The following IMPACT variants were observed in gnomAD, a reference collection of about 807,000 sequenced individuals.
IMPACT encodes the protein impact RWD domain protein.
A neutral mutation model predicts 47.5 loss-of-function variants in IMPACT; 35 were observed. The ratio of observed to expected loss-of-function variants is 0.74; its 90% CI spans 0.56 to 0.98. The LOEUF (loss-of-function observed/expected upper bound fraction) is 0.98. Ranked by LOEUF, IMPACT falls within the 50% of genes least tolerant of loss-of-function variation. IMPACT has a pLI of 0.00. For missense variants in IMPACT, 373 were observed against 394.8 expected, an observed-to-expected ratio of 0.94 and a Z score of 0.47; for synonymous variants, 118 against 125.6, an observed-to-expected ratio of 0.94 and a Z score of 0.40.
chr18:24,428,879 C>T lies in IMPACT; in HGVS notation c.176C>T (p.Pro59Leu), dbSNP rs757367755. 5.6e-5 allele frequency: 91 copies of T among 1,611,132 alleles called. No homozygotes were observed. The highest frequency in any genetic ancestry group is 1.5e-4 in the Admixed American group (9 of 59,580). Reference sequence around the variant, plus strand: ...GAACCTGCATTGTAGGTGATGCTGCCGAATGAATACCCAGGTACAGCTCCA... The same window carrying T: ...GAACCTGCATTGTAGGTGATGCTGCTGAATGAATACCCAGGTACAGCTCCA... The part of the protein sequence containing the change: ...KWTLCLQVML[P>L]NEYPGTAPPI... Residue 59 changes from proline to leucine, a missense_variant, in exon 3 of 11, where the codon CCG becomes CTG. Transcript: ENST00000284202.
intron 4 of IMPACT, among the ~76,000 whole-genome samples, chr18:24,433,223 C>A (rs1190772086): frequency 9.2e-6 from 1 of 108,494 alleles, no homozygotes; most frequent in Middle Eastern, 0.012. Flanking sequence ...GACGGAGTCT[C>A]GCTCTGTCGC....
chr18:24,449,824 G>A lies in IMPACT; in HGVS notation c.765G>A (p.Leu255=), dbSNP rs763541625. ...GGRLLHLMEI[L]NVKNVMVVVS... is the part of the protein sequence containing the mutation. ...ATGCTTCCAAAAAATAACAGATTTT[G>A]AATGTGAAGAATGTCATGGTGGTAG... is the stretch of plus-strand genomic sequence containing the variant. The change falls in exon 10 of 11, where the codon TTG becomes TTA. Residue 255 remains leucine, a synonymous_variant. Coordinates refer to ENST00000284202, the MANE Select transcript of IMPACT (RefSeq NM_018439.4). 7 of 1,611,688 alleles carry A rather than the reference G, an allele frequency of 4.3e-6. No individual in the cohort carries two copies. In the African/African-American group the frequency reaches 9.4e-5, roughly 22 times the overall value.
intron 3 of IMPACT, 121 bp from the exon 4 acceptor site, chr18:24,430,201 A>G (rs571102): frequency 0.14 from 81,425 of 584,454 alleles, 6,461 homozygotes; most frequent in Non-Finnish European, 0.16. Context: ...TTATACAAAT[A>G]TAAGACCATT....
intron 7 of IMPACT, among the ~76,000 whole-genome samples, chr18:24,444,479 A>G (rs1909198159): frequency 6.6e-6 from 1 of 152,300 alleles, no homozygotes; most frequent in African/African-American, 2.4e-5. Flanking sequence ...AAATCTGACC[A>G]TGTGTCATTC....
rs1157144458 is a variant in IMPACT at position 24,450,795 on chromosome 18, CT to C, written c.914del (p.Leu305TrpfsTer7). 1 of 1,609,868 alleles carries C rather than the reference CT, an allele frequency of 6.2e-7. No individual in the cohort carries two copies. Among genetic ancestry groups the C allele is most frequent in the South Asian group, 1.1e-5 (1 of 90,860 alleles). Reference protein sequence around the residue: ...YTNSPEESSKALGKNKKVRKD... With the variant: ...YTNSPEESSKXLGKNKKVRKD... ...CTTTTTCAGGAGGAGTCATCTAAGG[CT>C]TTGGGAAAGAACAAAAAAGTAAGAA... On this transcript the variant is annotated frameshift_variant, in exon 11 of 11. Transcript: ENST00000284202. LOFTEE classifies it high-confidence loss of function.
At chr18:24,446,909 A>G (rs984396064) in intron 8 of IMPACT, among the ~76,000 whole-genome samples, 2 of 152,232 alleles carry the variant, frequency 1.3e-5, no homozygotes, top group Non-Finnish European at 2.9e-5. Flanking sequence ...TATGTAAATT[A>G]ACTCTTATTA....
chr18:24,440,390 C>A, intron 5 of IMPACT, 106 bp from the exon 6 acceptor site: 1 of 1,192,952 alleles, frequency 8.4e-7, no homozygotes, highest in East Asian at 2.5e-5. Context: ...GTGCTGGTTC[C>A]TTTCGTTGAA....
At chr18:24,430,418 TTAGTGATTG>T (rs1908723202) in intron 4 of IMPACT, 34 bp downstream of exon 4, 2 of 1,480,436 alleles carry the variant, frequency 1.4e-6, no homozygotes, top group Non-Finnish European at 1.9e-6. Flanking sequence ...AATAATTCTG[TTAGTGATTG>T]TATTGTGGGC....
At chr18:24,431,901 C>T (rs1283459802) in intron 4 of IMPACT, among the ~76,000 whole-genome samples, 1 of 152,164 alleles carries the variant, frequency 6.6e-6, no homozygotes, top group Non-Finnish European at 1.5e-5. Context: ...GGAGTTTCAC[C>T]ATGTTGGCCA....
At chr18:24,441,448 G>A (rs778052619) in intron 6 of IMPACT, among the ~76,000 whole-genome samples, 2 of 152,140 alleles carry the variant, frequency 1.3e-5, no homozygotes, top group Non-Finnish European at 2.9e-5. Context: ...CAGAGTGCTG[G>A]GATTATTATA....
intron 5 of IMPACT, among the ~76,000 whole-genome samples, chr18:24,438,406 C>T (rs1909002794): frequency 6.6e-6 from 1 of 152,230 alleles, no homozygotes; most frequent in Admixed American, 6.5e-5. Flanking sequence ...CTGTCCCATT[C>T]TGTCTAGGGT....
chr18:24,437,964 C>A lies in IMPACT; in HGVS notation c.291C>A (p.Ile97=), dbSNP rs552047808. 1 of 1,530,904 alleles carries A rather than the reference C, an allele frequency of 6.5e-7. No homozygotes were observed. The highest frequency in any genetic ancestry group is 8.9e-7 in the Non-Finnish European group (1 of 1,123,594). 94.8% of individuals were successfully genotyped at this position (1,530,904 alleles called of 1,614,324 possible). ...CCTGAATTTTGTTTAGTCAGAATAT[C>A]GGTGAAAGTATTCTTTACCTGTGGG... The part of the protein sequence containing the change: ...NSLEEIYIQN[I]GESILYLWVE... Residue 97 remains isoleucine (I), a synonymous_variant, in exon 5 of 11, where the codon ATC becomes ATA. Coordinates refer to ENST00000284202, the MANE Select transcript of IMPACT (RefSeq NM_018439.4).
chr18:24,432,955 GTCC>G (rs1908795554), intron 4 of IMPACT, among the ~76,000 whole-genome samples: 1 of 151,942 alleles, frequency 6.6e-6, no homozygotes, highest in Admixed American at 6.6e-5. Flanking sequence ...TATCCCAAAA[GTCC>G]TCCTTTTACT....
rs778963491 is a variant in IMPACT, at chr18:24,437,976, T to C, written c.303T>C (p.Ile101=). Residue 101 remains isoleucine (I), a synonymous_variant, in exon 5 of 11, where the codon ATT becomes ATC. Transcript: ENST00000284202. ...TTAGTCAGAATATCGGTGAAAGTAT[T>C]CTTTACCTGTGGGTGGAGAAAATAA... is the stretch of plus-strand genomic sequence containing the variant. ...EIYIQNIGES[I]LYLWVEKIRD... 6.4e-7 allele frequency: 1 copy of C among 1,570,124 alleles called. No individual in the cohort carries two copies. The highest frequency in any genetic ancestry group is 1.4e-5 in the African/African-American group (1 of 73,640).
At chr18:24,439,004 T>C (rs894087574) in intron 5 of IMPACT, among the ~76,000 whole-genome samples, 2 of 152,154 alleles carry the variant, frequency 1.3e-5, no homozygotes, top group Non-Finnish European at 1.5e-5. Flanking sequence ...CAGGATAGGC[T>C]GGCAGGCTGG....
chr18:24,435,586 G>A (rs1276567508), intron 4 of IMPACT: 2 of 152,200 alleles, frequency 1.3e-5, no homozygotes, highest in African/African-American at 4.8e-5. Flanking sequence ...AAGTCAAACA[G>A]ACAAGGAAGA....
chr18:24,429,865 C>T (rs1200519526), intron 3 of IMPACT, among the ~76,000 whole-genome samples: 1 of 151,904 alleles, frequency 6.6e-6, no homozygotes, highest in African/African-American at 2.4e-5. Flanking sequence ...GCAAGCTCCG[C>T]CTCCCGGGTT....
chr18:24,438,969 T>G (rs1263984600), intron 5 of IMPACT, among the ~76,000 whole-genome samples: 1 of 152,148 alleles, frequency 6.6e-6, no homozygotes, highest in Non-Finnish European at 1.5e-5. Flanking sequence ...TATACAGTTG[T>G]GGAAGGTGGC....
rs1240291169 is a variant in IMPACT, at chr18:24,450,962, G to GA, written c.*115_*116insA. On this transcript the variant is annotated 3_prime_UTR_variant, in exon 11 of 11. Coordinates refer to ENST00000284202, the MANE Select transcript of IMPACT (RefSeq NM_018439.4). ...TTGACTGCTTAAGTCAGCCAGTTCA[G>GA]CATGGATACCAACATTAGCTTTTCT... 5.4e-6 allele frequency: 3 copies of GA among 560,714 alleles called. No individual in the cohort carries two copies. The highest frequency in any genetic ancestry group is 3.1e-6 in the Non-Finnish European group (1 of 318,328). 34.7% of individuals were successfully genotyped at this position (560,714 alleles called of 1,614,324 possible). A position where few individuals can be genotyped will look rare whatever the true frequency, so the allele number is the denominator to read the frequency against.
Sources: gnomAD v4.1 joint callset for allele counts (sites outside exome capture counted in the v4.1 genomes callset) on GRCh38, gnomAD v4.1.1 for gene constraint, MANE v1.5 for transcripts, NCBI Gene and HGNC (gene_info 2026-07-23, HGNC 2026-07-21) for gene names.